Variants in NME7 observed in about 807,000 individuals in gnomAD.
NME7 encodes nucleoside diphosphate kinase 7.
A neutral mutation model predicts 49.1 loss-of-function variants in NME7; 41 were observed. That is an observed-to-expected ratio of 0.83 (90% CI 0.65 to 1.08). The LOEUF is 1.08. Among genes scored for constraint, NME7 ranks in the 50% least tolerant of loss-of-function variants. The pLI, the probability that NME7 is intolerant of heterozygous loss-of-function variation, is 0.00. For missense variants in NME7, 423 were observed against 463.4 expected (o/e 0.91, Z 0.80); for synonymous variants, 139 against 150.6 (o/e 0.92, Z 0.56).
At position 169,214,167 on chromosome 1, in the gene NME7, G is replaced by A. The variant is rs1284227192; in HGVS notation, c.990+16551C>T. Among the ~76,000 whole-genome samples the A allele has an allele frequency of 5.3e-5, 8 of 152,272 alleles. No homozygotes were observed. In the East Asian group the frequency reaches 5.8e-4, roughly 11 times the overall value. ...GAGAAAGTGCTCTTCAAGATAAAAC[G>A]TAGGAAGACATGTTAGAAGCAAGTG... On this transcript the variant is annotated intron_variant, in intron 10 of 11. Coordinates refer to ENST00000367811, the MANE Select transcript of NME7 (RefSeq NM_013330.5).
intron 11 of NME7, among the ~76,000 whole-genome samples, chr1:169,148,387 T>TA (rs1658820382): frequency 6.6e-6 from 1 of 152,224 alleles, no homozygotes; most frequent in African/African-American, 2.4e-5. Context: ...ATTTTCCTGT[T>TA]AGACTAGTCT....
intron 3 of NME7, among the ~76,000 whole-genome samples, chr1:169,317,554 G>A (rs10919135): frequency 0.35 from 53,076 of 151,634 alleles, 10,339 homozygotes; most frequent in Non-Finnish European, 0.44. Context: ...ACTGAACTAA[G>A]GTATTCCTCT....
intron 1 of NME7, among the ~76,000 whole-genome samples, chr1:169,327,747 G>A (rs1039678100): frequency 2.0e-5 from 3 of 152,174 alleles, no homozygotes; most frequent in African/African-American, 7.2e-5. Flanking sequence ...GGAATTGCAA[G>A]TGAAATTATA....
chr1:169,273,146 T>C lies in NME7; in HGVS notation c.754+14157A>G, dbSNP rs1237495138. Among the ~76,000 whole-genome samples the C allele has an allele frequency of 1.5e-5, 2 of 133,552 alleles. 1 individual carries two copies. Among genetic ancestry groups the C allele is most frequent in the Non-Finnish European group, 3.5e-5 (2 of 56,838 alleles). The allele number at this position is 133,552 out of a possible 152,430, so 87.6% of individuals were successfully genotyped here. On this transcript the variant is annotated intron_variant, in intron 7 of 11. Coordinates refer to ENST00000367811, the MANE Select transcript of NME7 (RefSeq NM_013330.5). ...CATAGGTATACACGTGCCCTGCTGG[T>C]TAGCTGCACCCATCAACCTATCACA... is the stretch of plus-strand genomic sequence containing the variant.
chr1:169,135,014 C>CAAAAAAAAAAAAAAAAAAAAAAAAA (rs58463903), intron 11 of NME7, among the ~76,000 whole-genome samples: 1 of 50,390 alleles, frequency 2.0e-5, no homozygotes, highest in African/African-American at 7.3e-5. Flanking sequence ...CCCGTCTCTA[C>CAAAAAAAAAAAAAAAAAAAAAAAAA]AAAAAAAAAA....
At chr1:169,299,580 A>G (rs888293367) in intron 5 of NME7, among the ~76,000 whole-genome samples, 4 of 152,046 alleles carry the variant, frequency 2.6e-5, no homozygotes, top group African/African-American at 9.7e-5. Flanking sequence ...AGTAGAGAGA[A>G]GAGATCCTCC....
Position 169,324,470 on chromosome 1 carries a change from C to A in NME7, c.34G>T (p.Glu12Ter), listed in dbSNP as rs1331730693. 5 of 1,612,374 alleles carry A rather than the reference C, an allele frequency of 3.1e-6. No individual in the cohort carries two copies. Among genetic ancestry groups the A allele is most frequent in the Non-Finnish European group, 3.4e-6 (4 of 1,178,862 alleles). The change falls in exon 2 of 12, where the codon GAG becomes TAG. Residue 12 changes from glutamate to a stop codon, truncating the protein, a stop_gained. Transcript: ENST00000367811. LOFTEE classifies it high-confidence loss of function. ...NHSERFVFIA[E>*]WYDPNASLLR... ...AGTGAAGCATTTGGATCATACCACT[C>A]TGCAATGAAAACGAATCTTTCACTA... is the stretch of plus-strand genomic sequence containing the variant.
chr1:169,187,943 TG>T (rs2101758167), intron 10 of NME7, among the ~76,000 whole-genome samples: 1 of 152,314 alleles, frequency 6.6e-6, no homozygotes, highest in African/African-American at 2.4e-5. Context: ...GTAGGCCTGG[TG>T]GTGACAAAAT....
chr1:169,141,170 T>A (rs1472464393), intron 11 of NME7, among the ~76,000 whole-genome samples: 1 of 151,838 alleles, frequency 6.6e-6, no homozygotes, highest in Non-Finnish European at 1.5e-5. Flanking sequence ...CTGTCCTAGA[T>A]AGTTAGTCAA....
At chr1:169,342,317 C>T (rs149098855) in intron 1 of NME7, among the ~76,000 whole-genome samples, 387 of 152,034 alleles carry the variant, frequency 2.5e-3, no homozygotes, top group Admixed American at 5.2e-3. Flanking sequence ...AAGATGCCTG[C>T]TTCCCCTTTG....
chr1:169,156,657 C>T (rs545848410), intron 11 of NME7, among the ~76,000 whole-genome samples: 1 of 152,178 alleles, frequency 6.6e-6, no homozygotes, highest in Non-Finnish European at 1.5e-5. Context: ...CAGAAGGCAG[C>T]CTATCTGAAG....
intron 11 of NME7, among the ~76,000 whole-genome samples, chr1:169,136,129 C>T (rs1023405636): frequency 3.3e-5 from 5 of 151,620 alleles, no homozygotes; most frequent in South Asian, 4.2e-4. Flanking sequence ...AGCCAGTGCC[C>T]GATATAGTCA....
At chr1:169,189,524 A>G (rs1004308874) in intron 10 of NME7, among the ~76,000 whole-genome samples, 2 of 152,284 alleles carry the variant, frequency 1.3e-5, no homozygotes, top group African/African-American at 4.8e-5. Flanking sequence ...GCAACAGGAT[A>G]AAGAGCAAGT....
At chr1:169,252,729 G>A (rs1248357099) in intron 7 of NME7, among the ~76,000 whole-genome samples, 11 of 148,984 alleles carry the variant, frequency 7.4e-5, no homozygotes, top group African/African-American at 1.7e-4. Flanking sequence ...ATCTTGAATT[G>A]ATTTTTGTAT....
intron 7 of NME7, chr1:169,247,133 G>A (rs1003242788): frequency 2.2e-6 from 1 of 454,670 alleles, no homozygotes; most frequent in Non-Finnish European, 4.4e-6. Flanking sequence ...TAAGATCACA[G>A]TTTTAAAACA....
At chr1:169,344,442 C>T (rs553334037) in intron 1 of NME7, among the ~76,000 whole-genome samples, 1 of 152,264 alleles carries the variant, frequency 6.6e-6, no homozygotes, top group Admixed American at 6.5e-5. Flanking sequence ...TGAGAGCACA[C>T]ATCCTAGCCT....
intron 1 of NME7, among the ~76,000 whole-genome samples, chr1:169,339,668 A>G (rs192068534): frequency 1.3e-5 from 2 of 152,246 alleles, no homozygotes; most frequent in East Asian, 1.9e-4. Context: ...TGTGCTAGAC[A>G]TTTTCCATTT....
intron 10 of NME7, among the ~76,000 whole-genome samples, chr1:169,204,228 C>A (rs552276863): frequency 6.6e-6 from 1 of 151,348 alleles, no homozygotes; most frequent in African/African-American, 2.4e-5. Flanking sequence ...CAGTAGGGAG[C>A]TTGGGATTTT....
intron 11 of NME7, among the ~76,000 whole-genome samples, chr1:169,144,691 C>G (rs117153917): frequency 1.3e-5 from 2 of 152,088 alleles, no homozygotes; most frequent in Non-Finnish European, 2.9e-5. Flanking sequence ...CACAAACAGG[C>G]CTTCAATAAA....
Sources: allele counts gnomAD v4.1 joint callset (sites outside exome capture counted in the v4.1 genomes callset), GRCh38; gene constraint gnomAD v4.1.1; transcripts MANE v1.5; gene names NCBI Gene and HGNC (gene_info 2026-07-23, HGNC 2026-07-21).